THSD7B: variants seen among roughly 807,000 people sequenced by gnomAD.
The protein encoded by THSD7B is thrombospondin type 1 domain containing 7B.
Under a neutral mutation model 213.6 loss-of-function variants are expected in THSD7B, and 138 were observed. That is an observed-to-expected ratio of 0.65 (90% CI 0.56 to 0.74). THSD7B has a LOEUF of 0.74. THSD7B is among the 30% of genes least tolerant of loss of function. The probability of loss-of-function intolerance (pLI) is 0.00; values close to 1 mark genes in which losing one functional copy is unlikely to be tolerated. For missense variants in THSD7B, 1,931 were observed against 1,991.5 expected (o/e 0.97, Z 0.58); for synonymous variants, 742 against 687.0 (o/e 1.08, Z -1.25).
At chr2:137,272,140 T>G (rs1325664297) in intron 10 of THSD7B, among the ~76,000 whole-genome samples, 4 of 152,068 alleles carry the variant, frequency 2.6e-5, no homozygotes, top group Non-Finnish European at 4.4e-5. Context: ...AAAAATAGCC[T>G]GGATGGAGAA....
chr2:137,554,026 CTTTT>C (rs59453034), intron 15 of THSD7B, among the ~76,000 whole-genome samples: 1 of 143,844 alleles, frequency 7.0e-6, no homozygotes, highest in South Asian at 2.2e-4. Context: ...AAGATAGCTA[CTTTT>C]TTTTTTTTTT....
chr2:137,220,655 T>C (rs1244704940), intron 7 of THSD7B, among the ~76,000 whole-genome samples: 2 of 152,182 alleles, frequency 1.3e-5, no homozygotes, highest in Admixed American at 1.3e-4. Context: ...TTATAACATC[T>C]ACACTTGCCA....
Position 137,570,370 on chromosome 2 carries a change from G to A in THSD7B, c.3273-2036G>A, listed in dbSNP as rs548335113. 3.9e-5 allele frequency among the ~76,000 whole-genome samples: 6 copies of A among 151,982 alleles called. No homozygotes were observed. In the South Asian group the frequency reaches 1.2e-3, roughly 32 times the overall value. ...GTCGTCCAGGCTGGAGTGCAGTGGC[G>A]TGATCTCGGCTCACTGCAAACTCAG... On this transcript the variant is annotated intron_variant, in intron 16 of 27. Coordinates refer to ENST00000409968, the MANE Select transcript of THSD7B (RefSeq NM_001316349.2).
intron 22 of THSD7B, 74 bp downstream of exon 22, chr2:137,655,734 A>G: frequency 6.9e-7 from 1 of 1,458,048 alleles, no homozygotes; most frequent in South Asian, 1.4e-5. Flanking sequence ...TTTCCTAGAG[A>G]TGCTCTAGCT....
intron 12 of THSD7B, among the ~76,000 whole-genome samples, chr2:137,344,950 A>G (rs929845687): frequency 1.1e-4 from 17 of 151,740 alleles, no homozygotes; most frequent in African/African-American, 3.9e-4. Context: ...GTGATACCTA[A>G]GTAGAATATG....
chr2:137,411,803 C>A lies in THSD7B; in HGVS notation c.2890C>A (p.Arg964Ser), dbSNP rs760738802. 1.9e-6 allele frequency: 3 copies of A among 1,613,974 alleles called. No homozygotes were observed. The highest frequency in any genetic ancestry group is 2.5e-6 in the Non-Finnish European group (3 of 1,179,890). ...CAGCAAAGAATGTGGAGAAGGCCTG[C>A]GCTTTCGAGCAGTAGCCTGTTCTGA... ...ADSKECGEGL[R>S]FRAVACSDKN... Residue 964 changes from arginine to serine, a missense_variant, in exon 14 of 28, where the codon CGC becomes AGC. Transcript: ENST00000409968.
chr2:137,560,638 C>A (rs1159165558), intron 15 of THSD7B, among the ~76,000 whole-genome samples: 3 of 152,030 alleles, frequency 2.0e-5, no homozygotes, highest in Non-Finnish European at 2.9e-5. Context: ...GTGCAGCACA[C>A]CAACATGGCA....
intron 5 of THSD7B, among the ~76,000 whole-genome samples, chr2:137,134,390 C>T (rs1688793949): frequency 6.6e-6 from 1 of 152,174 alleles, no homozygotes; most frequent in African/African-American, 2.4e-5. Context: ...CAGTGGTCTC[C>T]TGTTGACAGA....
intron 14 of THSD7B, among the ~76,000 whole-genome samples, chr2:137,412,523 G>GA (rs911479193): frequency 1.3e-5 from 2 of 149,100 alleles, no homozygotes; most frequent in Admixed American, 6.7e-5. Context: ...CTTGAACCCG[G>GA]GGGGCAGAGG....
At chr2:137,254,425 A>G (rs1016685684) in intron 10 of THSD7B, among the ~76,000 whole-genome samples, 3 of 152,224 alleles carry the variant, frequency 2.0e-5, no homozygotes, top group African/African-American at 7.2e-5. Flanking sequence ...AACTTGAGCC[A>G]GCAATATCCT....
At chr2:136,951,975 T>TA (rs1260271319) in intron 2 of THSD7B, among the ~76,000 whole-genome samples, 1 of 152,164 alleles carries the variant, frequency 6.6e-6, no homozygotes, top group African/African-American at 2.4e-5. Context: ...GTTCAAGCGA[T>TA]TCTTCTGCCT....
At position 137,283,336 on chromosome 2, in the gene THSD7B, C is replaced by T. The variant is rs535949001; in HGVS notation, c.2500+7310C>T. On this transcript the variant is annotated intron_variant, in intron 12 of 27. Coordinates refer to ENST00000409968, the MANE Select transcript of THSD7B (RefSeq NM_001316349.2). ...TGATGGGGTTTTCTAGTTATACAATCGTGTCATCTGCAAACAATTTGACTT... is the reference window on the plus strand; with the variant it reads ...TGATGGGGTTTTCTAGTTATACAATTGTGTCATCTGCAAACAATTTGACTT... Among the ~76,000 whole-genome samples the T allele has an allele frequency of 5.9e-5, 9 of 152,254 alleles. 1 individual carries two copies. The highest frequency in any genetic ancestry group is 1.7e-4 in the African/African-American group (7 of 41,554).
chr2:137,223,593 C>G (rs1681425203), intron 7 of THSD7B, among the ~76,000 whole-genome samples: 1 of 151,972 alleles, frequency 6.6e-6, no homozygotes. Context: ...TTTTTAGGAA[C>G]AAAAAAAGCC....
chr2:137,657,278 G>A, intron 24 of THSD7B, 118 bp downstream of exon 24: 2 of 865,246 alleles, frequency 2.3e-6, no homozygotes, highest in Non-Finnish European at 3.4e-6. Flanking sequence ...TAGCTTAGAT[G>A]AATTTTATTA....
At chr2:137,466,774 C>G (rs1687997708) in intron 15 of THSD7B, among the ~76,000 whole-genome samples, 2 of 152,102 alleles carry the variant, frequency 1.3e-5, no homozygotes, top group South Asian at 4.1e-4. Context: ...AAATGCATTA[C>G]TTCATATAGC....
chr2:137,330,016 T>G (rs1056459093), intron 12 of THSD7B, among the ~76,000 whole-genome samples: 1 of 152,178 alleles, frequency 6.6e-6, no homozygotes, highest in South Asian at 2.1e-4. Context: ...GGGGCCAACA[T>G]AAAGCTTAGG....
intron 15 of THSD7B, among the ~76,000 whole-genome samples, chr2:137,554,360 T>G (rs10172956): frequency 0.36 from 54,487 of 151,996 alleles, 10,130 homozygotes; most frequent in South Asian, 0.56. Context: ...AAGACACAAA[T>G]TTTTTCCCCA....
At chr2:137,606,118 C>T (rs184786475) in intron 17 of THSD7B, among the ~76,000 whole-genome samples, 13 of 152,140 alleles carry the variant, frequency 8.5e-5, no homozygotes, top group Non-Finnish European at 1.5e-4. Context: ...CATTTTCTAA[C>T]CCCTGGAAAG....
At chr2:137,590,708 T>G (rs1254117300) in intron 17 of THSD7B, among the ~76,000 whole-genome samples, 1 of 151,958 alleles carries the variant, frequency 6.6e-6, no homozygotes, top group African/African-American at 2.4e-5. Flanking sequence ...AATTTCCTTT[T>G]TATACGTTAA....
Sources: allele counts gnomAD v4.1 joint callset (sites outside exome capture counted in the v4.1 genomes callset), GRCh38; gene constraint gnomAD v4.1.1; transcripts MANE v1.5; gene names NCBI Gene and HGNC (gene_info 2026-07-23, HGNC 2026-07-21).